The following AMIGO1 variants were observed in gnomAD, a reference collection of about 807,000 sequenced individuals.
AMIGO1 encodes the protein adhesion molecule with Ig like domain 1.
For missense variants in AMIGO1, 361 were observed against 612.3 expected, an observed-to-expected ratio of 0.59 and a Z score of 4.33; for synonymous variants, 249 against 266.3, an observed-to-expected ratio of 0.93 and a Z score of 0.63.
At position 109,507,328 on chromosome 1, in the gene AMIGO1, G is replaced by A; in HGVS notation, c.*103C>T. 1 of 1,460,434 alleles carries A rather than the reference G, an allele frequency of 6.8e-7. No individual in the cohort carries two copies. The highest frequency in any genetic ancestry group is 9.2e-7 in the Non-Finnish European group (1 of 1,085,236). The allele number at this position is 1,460,434 out of a possible 1,614,324, so 90.5% of individuals were successfully genotyped here. A position where few individuals can be genotyped will look rare whatever the true frequency, so the allele number is the denominator to read the frequency against. ...GGACCAATTCCCTTGAGGTCAGGAG[G>A]AATCCATTCCCTTGGGCAGCCAGCC... On this transcript the variant is annotated 3_prime_UTR_variant, in exon 2 of 2. Coordinates refer to ENST00000369864, the MANE Select transcript of AMIGO1 (RefSeq NM_020703.4). This position sits in a 1 kb window ranked among gnomAD's most constrained non-coding sequence, Gnocchi z 4.7.
chr1:109,505,310 A>C lies in AMIGO1; in HGVS notation c.*2121T>G, dbSNP rs1657986889. On this transcript the variant is annotated 3_prime_UTR_variant, in exon 2 of 2. Transcript: ENST00000369864. ...CTGGGCAGAAAAGTGATTCAGTGCCATGGAGATGTGGGTGAAGCTTCAGGG... is the reference window on the plus strand; with the variant it reads ...CTGGGCAGAAAAGTGATTCAGTGCCCTGGAGATGTGGGTGAAGCTTCAGGG... 1 of 152,182 alleles carries C rather than the reference A, an allele frequency of 6.6e-6. No homozygotes were observed. Among genetic ancestry groups the C allele is most frequent in the Admixed American group, 6.5e-5 (1 of 15,268 alleles). 9.4% of individuals were successfully genotyped at this position (152,182 alleles called of 1,614,324 possible).
rs1658019558 is a variant in AMIGO1 at position 109,506,168 on chromosome 1, G to C, written c.*1263C>G. The stretch of plus-strand genomic sequence containing the variant: ...GCTGCACTCCAAATTGCCATTCTGG[G>C]GTAGAGACCACCCAATTCCAACCCT... On this transcript the variant is annotated 3_prime_UTR_variant, in exon 2 of 2. Coordinates refer to ENST00000369864, the MANE Select transcript of AMIGO1 (RefSeq NM_020703.4). 1 of 152,176 alleles carries C rather than the reference G, an allele frequency of 6.6e-6. No homozygotes were observed. Among genetic ancestry groups the C allele is most frequent in the Non-Finnish European group, 1.5e-5 (1 of 68,042 alleles). The allele number at this position is 152,176 out of a possible 1,614,324, so 9.4% of individuals were successfully genotyped here.
In AMIGO1 at chr1:109,507,340, T is replaced by G; in HGVS notation, c.*91A>C. The stretch of plus-strand genomic sequence containing the variant: ...TTGAGGTCAGGAGGAATCCATTCCC[T>G]TGGGCAGCCAGCCCTCTCTTCCATC... On this transcript the variant is annotated 3_prime_UTR_variant, in exon 2 of 2. Coordinates refer to ENST00000369864, the MANE Select transcript of AMIGO1 (RefSeq NM_020703.4). The surrounding 1 kb of genome is among the most constrained non-coding windows in gnomAD (Gnocchi z 4.7). The G allele has an allele frequency of 6.7e-7, 1 of 1,497,192 alleles. No homozygotes were observed. The highest frequency in any genetic ancestry group is 9.0e-7 in the Non-Finnish European group (1 of 1,115,474). The allele number at this position is 1,497,192 out of a possible 1,614,324, so 92.7% of individuals were successfully genotyped here. A position where few individuals can be genotyped will look rare whatever the true frequency, so the allele number is the denominator to read the frequency against.
In AMIGO1 at chr1:109,508,193, C is replaced by G. The variant is rs1658074169; in HGVS notation, c.720G>C (p.Gln240His). 1 of 1,614,124 alleles carries G rather than the reference C, an allele frequency of 6.2e-7. No homozygotes were observed. The highest frequency in any genetic ancestry group is 8.5e-7 in the Non-Finnish European group (1 of 1,180,046). ...YQLFSHWQYR[Q>H]LSSVMDFQED... ...CTTGAAAGTCCATCACGGAGCTCAG[C>G]TGCCGATACTGCCAGTGTGAAAACA... is the stretch of plus-strand genomic sequence containing the variant. The change falls in exon 2 of 2, where the codon CAG becomes CAC. Residue 240 changes from glutamine to histidine, a missense_variant. Gln to His is a conservative substitution (Grantham distance 24). Transcript: ENST00000369864. This position sits in a 1 kb window ranked among gnomAD's most constrained non-coding sequence, Gnocchi z 7.8.
rs1658047925 is a variant in AMIGO1, at chr1:109,507,283, C to G, written c.*148G>C. 1 of 1,158,932 alleles carries G rather than the reference C, an allele frequency of 8.6e-7. No homozygotes were observed. The allele number at this position is 1,158,932 out of a possible 1,614,324, so 71.8% of individuals were successfully genotyped here. On this transcript the variant is annotated 3_prime_UTR_variant, in exon 2 of 2. Coordinates refer to ENST00000369864, the MANE Select transcript of AMIGO1 (RefSeq NM_020703.4). This position sits in a 1 kb window ranked among gnomAD's most constrained non-coding sequence, Gnocchi z 4.7. ...GTGGCAGCCACGCCCTGTTTGGGGT[C>G]TTGCTCTCTGTTGTACCTGGGACCA...
rs1402369673 is a variant in AMIGO1 at position 109,507,244 on chromosome 1, C to T, written c.*187G>A. 1 of 685,674 alleles carries T rather than the reference C, an allele frequency of 1.5e-6. No individual in the cohort carries two copies. The highest frequency in any genetic ancestry group is 2.4e-6 in the Non-Finnish European group (1 of 420,838). The allele number at this position is 685,674 out of a possible 1,614,324, so 42.5% of individuals were successfully genotyped here. On this transcript the variant is annotated 3_prime_UTR_variant, in exon 2 of 2. Transcript: ENST00000369864. The surrounding 1 kb of genome is among the most constrained non-coding windows in gnomAD (Gnocchi z 4.7). The stretch of plus-strand genomic sequence containing the variant: ...GCATTTGCCTGAGGATTAATATACC[C>T]CCATTTGAAAATCGTGGCAGCCACG...
At position 109,508,806 on chromosome 1, in the gene AMIGO1, G is replaced by T. The variant is rs1658093328; in HGVS notation, c.107C>A (p.Ala36Asp). The change falls in exon 2 of 2, where the codon GCC (alanine) becomes GAC (aspartate). Residue 36 changes from alanine to aspartate, a missense_variant. Physicochemically the swap from Ala to Asp is moderately radical, Grantham distance 126 (BLOSUM62 -2). Coordinates refer to ENST00000369864, the MANE Select transcript of AMIGO1 (RefSeq NM_020703.4). The surrounding 1 kb of genome is among the most constrained non-coding windows in gnomAD (Gnocchi z 7.8). ...RAGRAVVSCP[A>D]ACLCASNILS... ...GATGTTGCTGGCGCACAAGCAGGCG[G>T]CAGGACAGCTAACCACGGCTCGGCC... 1.9e-6 allele frequency: 3 copies of T among 1,614,034 alleles called. No homozygotes were observed. The highest frequency in any genetic ancestry group is 2.5e-6 in the Non-Finnish European group (3 of 1,179,988).
Position 109,504,670 on chromosome 1 carries a change from T to C in AMIGO1, c.*2761A>G, listed in dbSNP as rs1440238420. 1 of 152,202 alleles carries C rather than the reference T, an allele frequency of 6.6e-6. No individual in the cohort carries two copies. Among genetic ancestry groups the C allele is most frequent in the Non-Finnish European group, 1.5e-5 (1 of 68,034 alleles). 9.4% of individuals were successfully genotyped at this position (152,202 alleles called of 1,614,324 possible). On this transcript the variant is annotated 3_prime_UTR_variant, in exon 2 of 2. Transcript: ENST00000369864. ...CAATTAAAAAGCTACCTTTGGGTTC[T>C]ATCACCTGAAACCACGGGAAGAAAC...
At position 109,508,751 on chromosome 1, in the gene AMIGO1, A is replaced by G; in HGVS notation, c.162T>C (p.Asn54=). The change falls in exon 2 of 2, where the codon AAT becomes AAC. Residue 54 remains asparagine, a synonymous_variant. Transcript: ENST00000369864. This position sits in a 1 kb window ranked among gnomAD's most constrained non-coding sequence, Gnocchi z 7.8. ...TGTAACTGGGCAAGGAATGGGGCAC[A>G]TTGGGCAGCTGCTGCTTGGAGCAGC... ...ILSCSKQQLP[N]VPHSLPSYTA... is the part of the protein sequence containing the mutation. The G allele has an allele frequency of 6.2e-7, 1 of 1,614,030 alleles. No individual in the cohort carries two copies. Among genetic ancestry groups the G allele is most frequent in the Non-Finnish European group, 8.5e-7 (1 of 1,179,972 alleles).
chr1:109,508,574 G>T lies in AMIGO1; in HGVS notation c.339C>A (p.Arg113=), dbSNP rs534640685. 6.2e-7 allele frequency: 1 copy of T among 1,614,192 alleles called. No homozygotes were observed. Among genetic ancestry groups the T allele is most frequent in the East Asian group, 2.2e-5 (1 of 44,870 alleles). Residue 113 remains arginine (R), a synonymous_variant, in exon 2 of 2, where the codon CGC becomes CGA. Transcript: ENST00000369864. The surrounding 1 kb of genome is among the most constrained non-coding windows in gnomAD (Gnocchi z 7.8). ...SEAFSPVPNL[R]YLDLSSNQLR... is the part of the protein sequence containing the mutation. ...GCTGGTTGGAGGAGAGGTCCAGGTA[G>T]CGCAGGTTGGGTACCGGGGAAAAGG...
Position 109,507,165 on chromosome 1 carries a change from T to A in AMIGO1, c.*266A>T, listed in dbSNP as rs1018764059. ...TCCTCATTCCCATCCAACTCAGACA[T>A]GCTTCTCTTCCTCTACCACACTGAG... On this transcript the variant is annotated 3_prime_UTR_variant, in exon 2 of 2. Transcript: ENST00000369864. This position sits in a 1 kb window ranked among gnomAD's most constrained non-coding sequence, Gnocchi z 4.7. 7 of 419,000 alleles carry A rather than the reference T, an allele frequency of 1.7e-5. No individual in the cohort carries two copies. The highest frequency in any genetic ancestry group is 9.8e-5 in the African/African-American group (5 of 50,850). 26.0% of individuals were successfully genotyped at this position (419,000 alleles called of 1,614,324 possible). A position where few individuals can be genotyped will look rare whatever the true frequency, so the allele number is the denominator to read the frequency against.
Position 109,507,248 on chromosome 1 carries a change from T to G in AMIGO1, c.*183A>C. On this transcript the variant is annotated 3_prime_UTR_variant, in exon 2 of 2. Coordinates refer to ENST00000369864, the MANE Select transcript of AMIGO1 (RefSeq NM_020703.4). The surrounding 1 kb of genome is among the most constrained non-coding windows in gnomAD (Gnocchi z 4.7). ...TTGCCTGAGGATTAATATACCCCCA[T>G]TTGAAAATCGTGGCAGCCACGCCCT... 1.4e-6 allele frequency: 1 copy of G among 723,116 alleles called. No homozygotes were observed. The highest frequency in any genetic ancestry group is 2.8e-5 in the East Asian group (1 of 35,752). The allele number at this position is 723,116 out of a possible 1,614,324, so 44.8% of individuals were successfully genotyped here. A position where few individuals can be genotyped will look rare whatever the true frequency, so the allele number is the denominator to read the frequency against.
intron 1 of AMIGO1, among the ~76,000 whole-genome samples, 196 bp downstream of exon 1, chr1:109,509,224 T>G (rs1658106942): frequency 6.6e-6 from 1 of 152,060 alleles, no homozygotes; most frequent in South Asian, 2.1e-4. Flanking sequence ...GCTGCAGGTA[T>G]GCACAGGATG....
rs201494815 is a variant in AMIGO1, at chr1:109,507,497, G to A, written c.1416C>T (p.Gly472=). 9 of 1,614,142 alleles carry A rather than the reference G, an allele frequency of 5.6e-6. No individual in the cohort carries two copies. The highest frequency in any genetic ancestry group is 2.2e-5 in the East Asian group (1 of 44,890). ...TLPVPEATGK[G]QRRMSDPESV... The stretch of plus-strand genomic sequence containing the variant: ...ATTCTGGATCCGACATCCTCCGTTG[G>A]CCCTTGCCTGTGGCCTCAGGCACTG... The change falls in exon 2 of 2, where the codon GGC becomes GGT. Residue 472 remains glycine, a synonymous_variant. Coordinates refer to ENST00000369864, the MANE Select transcript of AMIGO1 (RefSeq NM_020703.4). The surrounding 1 kb of genome is among the most constrained non-coding windows in gnomAD (Gnocchi z 4.7).
In AMIGO1 at chr1:109,507,487, T is replaced by A; in HGVS notation, c.1426A>T (p.Met476Leu). The A allele has an allele frequency of 6.2e-7, 1 of 1,613,866 alleles. No individual in the cohort carries two copies. The highest frequency in any genetic ancestry group is 8.5e-7 in the Non-Finnish European group (1 of 1,179,820). Residue 476 changes from methionine (M) to leucine (L), a missense_variant, in exon 2 of 2, where the codon ATG becomes TTG. By Grantham distance (15) the Met-to-Leu change is conservative. Coordinates refer to ENST00000369864, the MANE Select transcript of AMIGO1 (RefSeq NM_020703.4). The surrounding 1 kb of genome is among the most constrained non-coding windows in gnomAD (Gnocchi z 4.7). ...PEATGKGQRR[M>L]SDPESVSSVF... is the part of the protein sequence containing the mutation. ...GAGCTGACTGATTCTGGATCCGACATCCTCCGTTGGCCCTTGCCTGTGGCC... is the reference window on the plus strand; with the variant it reads ...GAGCTGACTGATTCTGGATCCGACAACCTCCGTTGGCCCTTGCCTGTGGCC...
chr1:109,504,676 C>T lies in AMIGO1; in HGVS notation c.*2755G>A, dbSNP rs1013977221. 1 of 152,162 alleles carries T rather than the reference C, an allele frequency of 6.6e-6. No homozygotes were observed. The highest frequency in any genetic ancestry group is 1.9e-4 in the East Asian group (1 of 5,192). 9.4% of individuals were successfully genotyped at this position (152,162 alleles called of 1,614,324 possible). A position where few individuals can be genotyped will look rare whatever the true frequency, so the allele number is the denominator to read the frequency against. On this transcript the variant is annotated 3_prime_UTR_variant, in exon 2 of 2. Coordinates refer to ENST00000369864, the MANE Select transcript of AMIGO1 (RefSeq NM_020703.4). ...AAAAGCTACCTTTGGGTTCTATCACCTGAAACCACGGGAAGAAACAAATCA... is the reference window on the plus strand; with the variant it reads ...AAAAGCTACCTTTGGGTTCTATCACTTGAAACCACGGGAAGAAACAAATCA...
chr1:109,504,797 C>T lies in AMIGO1; in HGVS notation c.*2634G>A, dbSNP rs568127323. On this transcript the variant is annotated 3_prime_UTR_variant, in exon 2 of 2. Coordinates refer to ENST00000369864, the MANE Select transcript of AMIGO1 (RefSeq NM_020703.4). ...TCAGGAGACTTAAGAGCCACAGGGC[C>T]TTTTCTCATTCCCTAAACTGGGTAG... 2.6e-5 allele frequency: 4 copies of T among 152,302 alleles called. No individual in the cohort carries two copies. The highest frequency in any genetic ancestry group is 9.6e-5 in the African/African-American group (4 of 41,574). 9.4% of individuals were successfully genotyped at this position (152,302 alleles called of 1,614,324 possible).
At position 109,507,836 on chromosome 1, in the gene AMIGO1, G is replaced by A. The variant is rs772542670; in HGVS notation, c.1077C>T (p.His359=). ...CATGGTGTCCGTGCAAGGTGAAATT[G>A]TGCACTTTCAATTCCACAGACAGTG... ...NETLSVELKV[H]NFTLHGHHDT... is the part of the protein sequence containing the mutation. Residue 359 remains histidine (H), a synonymous_variant, in exon 2 of 2, where the codon CAC becomes CAT. Transcript: ENST00000369864. This position sits in a 1 kb window ranked among gnomAD's most constrained non-coding sequence, Gnocchi z 4.7. The A allele has an allele frequency of 6.2e-6, 10 of 1,613,992 alleles. No individual in the cohort carries two copies. In the East Asian group the frequency reaches 2.2e-4, roughly 36 times the overall value.
In AMIGO1 at chr1:109,508,326, T is replaced by C; in HGVS notation, c.587A>G (p.Lys196Arg). The part of the protein sequence containing the change: ...KLTLLDLSSN[K>R]LKNLPLPDLQ... ...GTCAGGCAATGGCAAGTTCTTCAGC[T>C]TGTTAGAAGAGAGATCCAGGAGCGT... Residue 196 changes from lysine (K) to arginine (R), a missense_variant, in exon 2 of 2, where the codon AAG becomes AGG. By Grantham distance (26) the Lys-to-Arg change is conservative (BLOSUM62 2). Coordinates refer to ENST00000369864, the MANE Select transcript of AMIGO1 (RefSeq NM_020703.4). This position sits in a 1 kb window ranked among gnomAD's most constrained non-coding sequence, Gnocchi z 7.8. 1 of 1,614,082 alleles carries C rather than the reference T, an allele frequency of 6.2e-7. No individual in the cohort carries two copies.
Sources: allele counts gnomAD v4.1 joint callset (sites outside exome capture counted in the v4.1 genomes callset), GRCh38; gene constraint gnomAD v4.1.1; non-coding constraint Gnocchi (gnomAD v3.1); transcripts MANE v1.5; gene names NCBI Gene and HGNC (gene_info 2026-07-23, HGNC 2026-07-21).